LINGO4: variants seen among roughly 807,000 people sequenced by gnomAD.
The protein encoded by LINGO4 is leucine rich repeat and Ig domain containing 4.
In LINGO4, 22 loss-of-function variants were observed where a neutral mutation model predicts 27.9. That is an observed-to-expected ratio of 0.79 (90% CI 0.56 to 1.13). The LOEUF (loss-of-function observed/expected upper bound fraction) is 1.13. Among genes scored for constraint, LINGO4 ranks in the 50% most tolerant of loss-of-function variants. LINGO4 has a pLI of 0.00. For synonymous variants in LINGO4, 306 were observed against 325.8 expected, an observed-to-expected ratio of 0.94 and a Z score of 0.65; for missense variants, 706 against 739.4, an observed-to-expected ratio of 0.95 and a Z score of 0.52.
chr1:151,801,453 A>G lies in LINGO4; in HGVS notation c.1252T>C (p.Ser418Pro), dbSNP rs770069540. ...TCTGCAATGACCCATCGAGGCCCCG[A>G]CTTTCGGATCAGGGCTGGTTTGCAG... ...FTCKPALIRK[S>P]GPRWVIAEEG... is the part of the protein sequence containing the mutation. Residue 418 changes from serine to proline, a missense_variant, in exon 2 of 2, where the codon TCG (serine) becomes CCG (proline). By Grantham distance (74) the Ser-to-Pro change is moderately conservative. Transcript: ENST00000368820. This position sits in a 1 kb window ranked among gnomAD's most constrained non-coding sequence, Gnocchi z 5.7. The G allele has an allele frequency of 1.2e-6, 2 of 1,614,148 alleles. No homozygotes were observed. Among genetic ancestry groups the G allele is most frequent in the Non-Finnish European group, 1.7e-6 (2 of 1,180,044 alleles).
In LINGO4 at chr1:151,801,331, A is replaced by G; in HGVS notation, c.1374T>C (p.Ala458=). ...MRPHGAWLGR[A]GRVRVLEDGT... ...CATCCTCTAGGACCCTTACTCTCCC[A>G]GCCCTGCCCAGCCAAGCCCCATGAG... Residue 458 remains alanine (A), a synonymous_variant, in exon 2 of 2, where the codon GCT becomes GCC. Coordinates refer to ENST00000368820, the MANE Select transcript of LINGO4 (RefSeq NM_001004432.4). The surrounding 1 kb of genome is among the most constrained non-coding windows in gnomAD (Gnocchi z 5.7). The G allele has an allele frequency of 6.2e-7, 1 of 1,612,688 alleles. No homozygotes were observed. The highest frequency in any genetic ancestry group is 1.1e-5 in the South Asian group (1 of 91,062).
chr1:151,803,113 C>T (rs1651200179), intron 1 of LINGO4, among the ~76,000 whole-genome samples: 1 of 152,170 alleles, frequency 6.6e-6, no homozygotes, highest in South Asian at 2.1e-4. Context: ...CTCCCTGATA[C>T]CTGCTCTTCC....
Position 151,801,467 on chromosome 1 carries a change from G to A in LINGO4, c.1238C>T (p.Ala413Val). The change falls in exon 2 of 2, where the codon GCC (alanine) becomes GTC (valine). Residue 413 changes from alanine to valine, a missense_variant. Ala to Val is a moderately conservative substitution (Grantham distance 64). Coordinates refer to ENST00000368820, the MANE Select transcript of LINGO4 (RefSeq NM_001004432.4). This position sits in a 1 kb window ranked among gnomAD's most constrained non-coding sequence, Gnocchi z 5.7. ...LPPGHFTCKPALIRKSGPRWV... is the reference protein window; with the variant it reads ...LPPGHFTCKPVLIRKSGPRWV... ...TCGAGGCCCCGACTTTCGGATCAGG[G>A]CTGGTTTGCAGGTGAAGTGCCCTGG... The A allele has an allele frequency of 6.2e-7, 1 of 1,614,180 alleles. No individual in the cohort carries two copies. Among genetic ancestry groups the A allele is most frequent in the Non-Finnish European group, 8.5e-7 (1 of 1,180,056 alleles).
At position 151,800,315 on chromosome 1, in the gene LINGO4, T is replaced by C. The variant is rs1651103991; in HGVS notation, c.*608A>G. 2.0e-5 allele frequency: 3 copies of C among 152,352 alleles called. No individual in the cohort carries two copies. The highest frequency in any genetic ancestry group is 2.9e-5 in the Non-Finnish European group (2 of 68,168). The allele number at this position is 152,352 out of a possible 1,614,324, so 9.4% of individuals were successfully genotyped here. On this transcript the variant is annotated 3_prime_UTR_variant, in exon 2 of 2. Coordinates refer to ENST00000368820, the MANE Select transcript of LINGO4 (RefSeq NM_001004432.4). ...CCCTTTGACAGCAGGTTTAATGATC[T>C]GGTAGATAGAGGAAGGTGGTAGAGG...
rs1404180080 is a variant in LINGO4 at position 151,802,589 on chromosome 1, G to A, written c.116C>T (p.Ser39Phe). 2.5e-6 allele frequency: 4 copies of A among 1,601,056 alleles called. No individual in the cohort carries two copies. Among genetic ancestry groups the A allele is most frequent in the Non-Finnish European group, 3.4e-6 (4 of 1,173,634 alleles). ...GSCPAVCDCT[S>F]QPQAVLCGHR... The stretch of plus-strand genomic sequence containing the variant: ...GCCACAGAGCACAGCCTGGGGCTGG[G>A]AGGTGCAGTCACACACAGCAGGGCA... The change falls in exon 2 of 2, where the codon TCC becomes TTC. Residue 39 changes from serine (S) to phenylalanine (F), a missense_variant. By Grantham distance (155) the Ser-to-Phe change is radical (BLOSUM62 -2). Transcript: ENST00000368820.
Position 151,801,285 on chromosome 1 carries a change from C to A in LINGO4, c.1420G>T (p.Val474Leu), listed in dbSNP as rs775755300. 3 of 1,614,018 alleles carry A rather than the reference C, an allele frequency of 1.9e-6. No individual in the cohort carries two copies. In the East Asian group the frequency reaches 6.7e-5, roughly 36 times the overall value. Residue 474 changes from valine (V) to leucine (L), a missense_variant, in exon 2 of 2, where the codon GTG becomes TTG. Physicochemically the swap from Val to Leu is conservative, Grantham distance 32 (BLOSUM62 1). Transcript: ENST00000368820. This position sits in a 1 kb window ranked among gnomAD's most constrained non-coding sequence, Gnocchi z 5.7. The part of the protein sequence containing the change: ...LEDGTLEIRS[V>L]QLRDRGAYVC... The stretch of plus-strand genomic sequence containing the variant: ...TAGGCCCCTCTGTCCCGTAGCTGCA[C>A]TGAGCGGATCTCCAGTGTCCCATCC...
Position 151,802,165 on chromosome 1 carries a change from G to C in LINGO4, c.540C>G (p.Ala180=). 6.2e-7 allele frequency: 1 copy of C among 1,613,992 alleles called. No individual in the cohort carries two copies. The highest frequency in any genetic ancestry group is 8.5e-7 in the Non-Finnish European group (1 of 1,180,032). Residue 180 remains alanine, a synonymous_variant, in exon 2 of 2, where the codon GCC becomes GCG. Coordinates refer to ENST00000368820, the MANE Select transcript of LINGO4 (RefSeq NM_001004432.4). ...FVAPGAFAGL[A]KLSTLTLERC... ...GCTCCAGGGTGAGGGTGCTCAACTT[G>C]GCTAGCCCTGCAAAGGCCCCCGGAG...
chr1:151,801,404 G>C lies in LINGO4; in HGVS notation c.1301C>G (p.Ser434Cys), dbSNP rs1398255328. The change falls in exon 2 of 2, where the codon TCC (serine) becomes TGC (cysteine). Residue 434 changes from serine to cysteine, a missense_variant. Transcript: ENST00000368820. The surrounding 1 kb of genome is among the most constrained non-coding windows in gnomAD (Gnocchi z 5.7). ...GGCTGGGTCTCCATCTCCAGAGCAG[G>C]AGAAAACCGCATGCCCGCCCTCCTC... ...IAEEGGHAVFSCSGDGDPAPT... is the reference protein window; with the variant it reads ...IAEEGGHAVFCCSGDGDPAPT... 1.9e-6 allele frequency: 3 copies of C among 1,614,152 alleles called. No individual in the cohort carries two copies. The highest frequency in any genetic ancestry group is 2.5e-6 in the Non-Finnish European group (3 of 1,180,032).
chr1:151,801,823 T>C lies in LINGO4; in HGVS notation c.882A>G (p.Arg294=). 1 of 1,614,156 alleles carries C rather than the reference T, an allele frequency of 6.2e-7. No individual in the cohort carries two copies. ...SQNPISAIPA[R]RLSPLVRLQE... ...GGAGCCGCACCAGGGGGCTGAGCCT[T>C]CGGGCTGGGATGGCTGAGATGGGAT... Residue 294 remains arginine (R), a synonymous_variant, in exon 2 of 2, where the codon CGA becomes CGG. Transcript: ENST00000368820. This position sits in a 1 kb window ranked among gnomAD's most constrained non-coding sequence, Gnocchi z 5.7.
At position 151,805,214 on chromosome 1, in the gene LINGO4, G is replaced by T; in HGVS notation, c.-14+16C>A. The T allele has an allele frequency of 6.5e-6, 1 of 153,792 alleles. No homozygotes were observed. The highest frequency in any genetic ancestry group is 1.9e-4 in the South Asian group (1 of 5,230). 9.5% of individuals were successfully genotyped at this position (153,792 alleles called of 1,614,324 possible). A position where few individuals can be genotyped will look rare whatever the true frequency, so the allele number is the denominator to read the frequency against. On this transcript the variant is annotated intron_variant, in intron 1 of 1. Coordinates refer to ENST00000368820, the MANE Select transcript of LINGO4 (RefSeq NM_001004432.4). Reference sequence around the variant, plus strand: ...AGGGCGGCTGCATCTTTGGGACAGAGAGTGGGGGCACTTACCGGAGAAGCT... The same window carrying T: ...AGGGCGGCTGCATCTTTGGGACAGATAGTGGGGGCACTTACCGGAGAAGCT...
rs1651179606 is a variant in LINGO4 at position 151,802,369 on chromosome 1, G to A, written c.336C>T (p.Thr112=). The A allele has an allele frequency of 1.9e-6, 3 of 1,614,198 alleles. No homozygotes were observed. In the East Asian group the frequency reaches 6.7e-5, roughly 36 times the overall value. ...GAFHGLQSLL[T]LRLQGNRLRI... ...TGAGCCGATTGCCCTGCAGCCTCAG[G>A]GTGAGTAGGCTTTGTAGGCCATGGA... is the stretch of plus-strand genomic sequence containing the variant. The change falls in exon 2 of 2, where the codon ACC becomes ACT. Residue 112 remains threonine (T), a synonymous_variant. Coordinates refer to ENST00000368820, the MANE Select transcript of LINGO4 (RefSeq NM_001004432.4).
chr1:151,801,775 T>C lies in LINGO4; in HGVS notation c.930A>G (p.Ala310=), dbSNP rs770353754. The C allele has an allele frequency of 4.3e-6, 7 of 1,614,194 alleles. No homozygotes were observed. In the South Asian group the frequency reaches 7.7e-5, roughly 18 times the overall value. ...VRLQELRLSG[A]CLTSIAAHAF... is the part of the protein sequence containing the mutation. ...CATGGGCAGCAATGGAGGTGAGGCA[T>C]GCCCCTGACAGGCGTAGCTCCTGGA... The change falls in exon 2 of 2, where the codon GCA becomes GCG. Residue 310 remains alanine (A), a synonymous_variant. Coordinates refer to ENST00000368820, the MANE Select transcript of LINGO4 (RefSeq NM_001004432.4). This position sits in a 1 kb window ranked among gnomAD's most constrained non-coding sequence, Gnocchi z 5.7.
chr1:151,802,032 G>A lies in LINGO4; in HGVS notation c.673C>T (p.Arg225Trp), dbSNP rs541265452. The A allele has an allele frequency of 3.5e-5, 56 of 1,613,990 alleles. No individual in the cohort carries two copies. Among genetic ancestry groups the A allele is most frequent in the Admixed American group, 1.7e-4 (10 of 60,008 alleles). ...AGCTCCTTGAGCTGCCCCAGCCCCC[G>A]CAGGGCCCCAGCTGGCAGCCTCCCA... The part of the protein sequence containing the change: ...DIGRLPAGAL[R>W]GLGQLKELEI... The change falls in exon 2 of 2, where the codon CGG (arginine) becomes TGG (tryptophan). Residue 225 changes from arginine (R) to tryptophan (W), a missense_variant. By Grantham distance (101) the Arg-to-Trp change is moderately radical. Coordinates refer to ENST00000368820, the MANE Select transcript of LINGO4 (RefSeq NM_001004432.4).
In LINGO4 at chr1:151,802,568, C is replaced by T. The variant is rs1651186574; in HGVS notation, c.137G>A (p.Cys46Tyr). The change falls in exon 2 of 2, where the codon TGT becomes TAT. Residue 46 changes from cysteine (C) to tyrosine (Y), a missense_variant. Coordinates refer to ENST00000368820, the MANE Select transcript of LINGO4 (RefSeq NM_001004432.4). Reference sequence around the variant, plus strand: ...TACAGCCTCCAGTTGCCTGTGGCCACAGAGCACAGCCTGGGGCTGGGAGGT... The same window carrying T: ...TACAGCCTCCAGTTGCCTGTGGCCATAGAGCACAGCCTGGGGCTGGGAGGT... ...DCTSQPQAVLCGHRQLEAVPG... is the reference protein window; with the variant it reads ...DCTSQPQAVLYGHRQLEAVPG... 6.2e-7 allele frequency: 1 copy of T among 1,600,434 alleles called. No individual in the cohort carries two copies. The highest frequency in any genetic ancestry group is 8.5e-7 in the Non-Finnish European group (1 of 1,173,188).
chr1:151,803,058 G>C (rs1651199072), intron 1 of LINGO4, among the ~76,000 whole-genome samples: 1 of 152,136 alleles, frequency 6.6e-6, no homozygotes, highest in African/African-American at 2.4e-5. Flanking sequence ...TTTCTGTATG[G>C]GGTTTCCTGA....
Position 151,802,509 on chromosome 1 carries a change from C to G in LINGO4, c.196G>C (p.Asp66His). ...CCCCACAGGCGGTTCCCACTCAGGTCCAGGAGCTCAGTGTCCAGTGGGAGT... is the reference window on the plus strand; with the variant it reads ...CCCCACAGGCGGTTCCCACTCAGGTGCAGGAGCTCAGTGTCCAGTGGGAGT... ...GGLPLDTELL[D>H]LSGNRLWGLQ... is the part of the protein sequence containing the mutation. The change falls in exon 2 of 2, where the codon GAC becomes CAC. Residue 66 changes from aspartate to histidine, a missense_variant. By Grantham distance (81) the Asp-to-His change is moderately conservative (BLOSUM62 -1). Coordinates refer to ENST00000368820, the MANE Select transcript of LINGO4 (RefSeq NM_001004432.4). The G allele has an allele frequency of 6.2e-7, 1 of 1,611,442 alleles. No homozygotes were observed. Among genetic ancestry groups the G allele is most frequent in the Non-Finnish European group, 8.5e-7 (1 of 1,178,652 alleles).
At position 151,801,045 on chromosome 1, in the gene LINGO4, T is replaced by C. The variant is rs2101643295; in HGVS notation, c.1660A>G (p.Ile554Val). The C allele has an allele frequency of 6.2e-7, 1 of 1,614,004 alleles. No individual in the cohort carries two copies. Among genetic ancestry groups the C allele is most frequent in the East Asian group, 2.2e-5 (1 of 44,860 alleles). The change falls in exon 2 of 2, where the codon ATT becomes GTT. Residue 554 changes from isoleucine to valine, a missense_variant. Physicochemically the swap from Ile to Val is conservative, Grantham distance 29. Transcript: ENST00000368820. The surrounding 1 kb of genome is among the most constrained non-coding windows in gnomAD (Gnocchi z 5.7). The stretch of plus-strand genomic sequence containing the variant: ...CCTTTGCCCTTGCTCCAAAGGGCAA[T>C]CAGGCCAAAGCAGAGGGTCACTGAG... ...LTSVTLCFGL[I>V]ALWSKGKGRV...
Position 151,802,370 on chromosome 1 carries a change from G to A in LINGO4, c.335C>T (p.Thr112Ile), listed in dbSNP as rs759569376. Residue 112 changes from threonine to isoleucine, a missense_variant, in exon 2 of 2, where the codon ACC (threonine) becomes ATC (isoleucine). Coordinates refer to ENST00000368820, the MANE Select transcript of LINGO4 (RefSeq NM_001004432.4). Reference sequence around the variant, plus strand: ...GAGCCGATTGCCCTGCAGCCTCAGGGTGAGTAGGCTTTGTAGGCCATGGAA... The same window carrying A: ...GAGCCGATTGCCCTGCAGCCTCAGGATGAGTAGGCTTTGTAGGCCATGGAA... The part of the protein sequence containing the change: ...GAFHGLQSLL[T>I]LRLQGNRLRI... 1 of 1,614,106 alleles carries A rather than the reference G, an allele frequency of 6.2e-7. No homozygotes were observed. Among genetic ancestry groups the A allele is most frequent in the Non-Finnish European group, 8.5e-7 (1 of 1,180,046 alleles).
chr1:151,805,378 G>C lies in LINGO4; in HGVS notation c.-162C>G. 1 of 193,538 alleles carries C rather than the reference G, an allele frequency of 5.2e-6. No individual in the cohort carries two copies. Among genetic ancestry groups the C allele is most frequent in the Non-Finnish European group, 1.1e-5 (1 of 92,656 alleles). 12.0% of individuals were successfully genotyped at this position (193,538 alleles called of 1,614,324 possible). A position where few individuals can be genotyped will look rare whatever the true frequency, so the allele number is the denominator to read the frequency against. On this transcript the variant is annotated 5_prime_UTR_variant, in exon 1 of 2. Coordinates refer to ENST00000368820, the MANE Select transcript of LINGO4 (RefSeq NM_001004432.4). ...GGCTGCCCGGCTGCTGCCTGCCGCT[G>C]CTGCTGCTGCTGTTGCTGCTGCGGC...
Sources: gnomAD v4.1 joint callset for allele counts (sites outside exome capture counted in the v4.1 genomes callset) on GRCh38, gnomAD v4.1.1 for gene constraint, Gnocchi (gnomAD v3.1) non-coding constraint, MANE v1.5 for transcripts, NCBI Gene and HGNC (gene_info 2026-07-23, HGNC 2026-07-21) for gene names.